Variants in CPED1 observed in about 807,000 individuals in gnomAD.
The protein encoded by CPED1 is cadherin-like and PC-esterase domain-containing protein 1.
In CPED1, 114 loss-of-function variants were observed where a neutral mutation model predicts 128.2. The observed-to-expected ratio is 0.89, with a 90% confidence interval of 0.76 to 1.04. The LOEUF is 1.04. Ranked by LOEUF, CPED1 falls within the 50% of genes least tolerant of loss-of-function variation. CPED1 has a pLI of 0.00. For missense variants in CPED1, 1,211 were observed against 1,207.1 expected (o/e 1.00, Z -0.05); for synonymous variants, 462 against 426.7 (o/e 1.08, Z -1.02).
rs1399451119 is a variant in CPED1, at chr7:121,244,334, G to A, written c.2306G>A (p.Arg769Lys). The change falls in exon 18 of 23, where the codon AGG becomes AAG. Residue 769 changes from arginine to lysine, a missense_variant. By Grantham distance (26) the Arg-to-Lys change is conservative. Transcript: ENST00000310396. ...KPQLQQCLGG[R>K]KILFIGDSTN... is the part of the protein sequence containing the mutation. ...CAACTCCAGCAGTGCCTGGGAGGAAGGAAGGTAGGTTCTGGATCTAGTGGG... is the reference window on the plus strand; with the variant it reads ...CAACTCCAGCAGTGCCTGGGAGGAAAGAAGGTAGGTTCTGGATCTAGTGGG... 6.2e-7 allele frequency: 1 copy of A among 1,614,084 alleles called. No individual in the cohort carries two copies. The highest frequency in any genetic ancestry group is 8.5e-7 in the Non-Finnish European group (1 of 1,179,978).
intron 2 of CPED1, among the ~76,000 whole-genome samples, chr7:121,007,630 C>T (rs926087489): frequency 6.6e-6 from 1 of 152,178 alleles, no homozygotes; most frequent in African/African-American, 2.4e-5. Flanking sequence ...GTGCCTTCTT[C>T]CCTTCTAATA....
At chr7:121,283,541 A>G (rs1378611673) in intron 22 of CPED1, among the ~76,000 whole-genome samples, 7 of 152,212 alleles carry the variant, frequency 4.6e-5, no homozygotes, top group Admixed American at 1.3e-4. Context: ...TAGGGAAGAG[A>G]GACATACAGA....
chr7:121,082,746 A>G (rs1024316249), intron 5 of CPED1, among the ~76,000 whole-genome samples: 3 of 152,214 alleles, frequency 2.0e-5, no homozygotes, highest in Non-Finnish European at 2.9e-5. Context: ...GCATATCCAT[A>G]TCTAAAGTAT....
intron 5 of CPED1, among the ~76,000 whole-genome samples, chr7:121,094,025 T>C (rs1263986905): frequency 6.6e-6 from 1 of 152,196 alleles, no homozygotes; most frequent in East Asian, 1.9e-4. Context: ...ATTTGCTATA[T>C]GTGAAAGTTC....
At chr7:121,102,247 A>G (rs1214815015) in intron 7 of CPED1, among the ~76,000 whole-genome samples, 1 of 152,046 alleles carries the variant, frequency 6.6e-6, no homozygotes, top group African/African-American at 2.4e-5. Flanking sequence ...TTTTGGTAGC[A>G]TGATATATAT....
chr7:121,295,482 A>G lies in CPED1; in HGVS notation c.2911A>G (p.Met971Val). Residue 971 changes from methionine to valine, a missense_variant, in exon 23 of 23, where the codon ATG (methionine) becomes GTG (valine). By Grantham distance (21) the Met-to-Val change is conservative. Coordinates refer to ENST00000310396, the MANE Select transcript of CPED1 (RefSeq NM_024913.5). Reference protein sequence around the residue: ...KLSKEYNFIKMKRSRNHIMGR... With the variant: ...KLSKEYNFIKVKRSRNHIMGR... ...ATCCAAAGAATATAACTTTATTAAAATGAAAAGATCAAGAAATCATATCAT... is the reference window on the plus strand; with the variant it reads ...ATCCAAAGAATATAACTTTATTAAAGTGAAAAGATCAAGAAATCATATCAT... 1.2e-6 allele frequency: 2 copies of G among 1,613,790 alleles called. No homozygotes were observed. The highest frequency in any genetic ancestry group is 8.5e-7 in the Non-Finnish European group (1 of 1,179,794).
At chr7:121,229,249 TATG>T (rs1186278751) in intron 16 of CPED1, among the ~76,000 whole-genome samples, 3 of 152,060 alleles carry the variant, frequency 2.0e-5, no homozygotes, top group African/African-American at 4.8e-5. Context: ...AATTTGTGAA[TATG>T]ATATTTTTAA....
chr7:121,107,237 A>G (rs1285739671), intron 7 of CPED1, among the ~76,000 whole-genome samples: 1 of 152,094 alleles, frequency 6.6e-6, no homozygotes, highest in Non-Finnish European at 1.5e-5. Context: ...AATTTTATAA[A>G]TCTTTATCCC....
chr7:121,293,288 C>T (rs1026871861), intron 22 of CPED1, among the ~76,000 whole-genome samples: 2 of 152,144 alleles, frequency 1.3e-5, no homozygotes, highest in African/African-American at 4.8e-5. Flanking sequence ...AAATTCCCAG[C>T]GGTTTTGTTT....
At chr7:121,277,571 C>T (rs1792354793) in intron 22 of CPED1, among the ~76,000 whole-genome samples, 1 of 152,042 alleles carries the variant, frequency 6.6e-6, no homozygotes, top group Non-Finnish European at 1.5e-5. Context: ...CATCGACAAC[C>T]CACCTCTTCT....
intron 17 of CPED1, among the ~76,000 whole-genome samples, chr7:121,243,538 A>G (rs73217364): frequency 0.018 from 2,673 of 152,306 alleles, 44 homozygotes; most frequent in Admixed American, 0.031. Context: ...GATGAATACA[A>G]TATTGCAAAT....
intron 5 of CPED1, among the ~76,000 whole-genome samples, chr7:121,069,951 C>T (rs1040888929): frequency 1.3e-5 from 2 of 152,026 alleles, no homozygotes; most frequent in Admixed American, 6.6e-5. Flanking sequence ...TTTATCTTAG[C>T]TCTGAGCACT....
At chr7:121,288,824 AAAATTAAC>A (rs1221157752) in intron 22 of CPED1, among the ~76,000 whole-genome samples, 6 of 152,214 alleles carry the variant, frequency 3.9e-5, no homozygotes, top group Admixed American at 1.3e-4. Context: ...TCGTATAAAC[AAAATTAAC>A]CTTATTTTGG....
chr7:121,124,062 G>A (rs1795446272), intron 7 of CPED1, among the ~76,000 whole-genome samples: 2 of 152,136 alleles, frequency 1.3e-5, no homozygotes, highest in South Asian at 2.1e-4. Flanking sequence ...CTGATGACAA[G>A]ACTTGCATTT....
At position 121,155,461 on chromosome 7, in the gene CPED1, A is replaced by G. The variant is rs556176186; in HGVS notation, c.2055+13320A>G. On this transcript the variant is annotated intron_variant, in intron 16 of 22. Coordinates refer to ENST00000310396, the MANE Select transcript of CPED1 (RefSeq NM_024913.5). ...ATCACACTACAGGACTTCAAAATTA[A>G]CTACAAAGCTATAGTAACAAGAACA... is the stretch of plus-strand genomic sequence containing the variant. Among the ~76,000 whole-genome samples, 382 of 152,316 alleles carry G rather than the reference A, an allele frequency of 2.5e-3. 1 individual carries two copies. Among genetic ancestry groups the G allele is most frequent in the African/African-American group, 8.9e-3 (371 of 41,564 alleles).
At chr7:121,198,012 T>C (rs2116552242) in intron 16 of CPED1, among the ~76,000 whole-genome samples, 1 of 152,266 alleles carries the variant, frequency 6.6e-6, no homozygotes, top group Non-Finnish European at 1.5e-5. Flanking sequence ...TGTTCAGAAA[T>C]GTGTTTCAAA....
At chr7:121,047,660 T>C (rs1314115706) in intron 4 of CPED1, among the ~76,000 whole-genome samples, 1 of 8,314 alleles carries the variant, frequency 1.2e-4, no homozygotes, top group African/African-American at 3.3e-4. Flanking sequence ...TTCTTCTTCT[T>C]CTTCTTCTTC....
intron 7 of CPED1, among the ~76,000 whole-genome samples, chr7:121,120,794 T>C (rs1197389404): frequency 6.6e-6 from 1 of 152,002 alleles, no homozygotes; most frequent in African/African-American, 2.4e-5. Context: ...GAGATAAGCA[T>C]GCCGTCCTGA....
chr7:121,013,832 T>C (rs151103595), intron 2 of CPED1, among the ~76,000 whole-genome samples: 1 of 152,352 alleles, frequency 6.6e-6, no homozygotes, highest in African/African-American at 2.4e-5. Flanking sequence ...CTGTTTCTTC[T>C]TTCTTTCAAC....
Sources: allele counts gnomAD v4.1 joint callset (sites outside exome capture counted in the v4.1 genomes callset), GRCh38; gene constraint gnomAD v4.1.1; transcripts MANE v1.5; gene names NCBI Gene and HGNC (gene_info 2026-07-23, HGNC 2026-07-21).